Variants in GMDS observed in about 807,000 individuals in gnomAD.
The protein encoded by GMDS is GDP-mannose 4,6 dehydratase.
GMDS carries 20 observed loss-of-function variants against 49.9 expected under a neutral mutation model. That is an observed-to-expected ratio of 0.40 (90% confidence interval 0.28 to 0.58). The LOEUF (loss-of-function observed/expected upper bound fraction) is 0.58, where lower values mean the gene tolerates loss of function less well. Ranked by LOEUF, GMDS falls within the 20% of genes least tolerant of loss-of-function variation. The probability of loss-of-function intolerance (pLI) is 0.42; values close to 1 mark genes in which losing one functional copy is unlikely to be tolerated. For missense variants in GMDS, 362 were observed against 481.4 expected, an observed-to-expected ratio of 0.75 and a Z score of 2.32; for synonymous variants, 177 against 178.6, an observed-to-expected ratio of 0.99 and a Z score of 0.07.
chr6:2,167,002 T>C (rs1020896281), intron 1 of GMDS, among the ~76,000 whole-genome samples: 1 of 152,212 alleles, frequency 6.6e-6, no homozygotes, highest in Non-Finnish European at 1.5e-5. Context: ...TGCAATTGCA[T>C]AGTCAGAACT....
intron 1 of GMDS, among the ~76,000 whole-genome samples, chr6:2,236,448 G>A (rs1285957552): frequency 1.3e-5 from 2 of 152,124 alleles, no homozygotes; most frequent in Non-Finnish European, 2.9e-5. Context: ...CCTTGACTGG[G>A]TTTACTCCAA....
intron 9 of GMDS, chr6:1,625,269 C>T (rs1056886567): frequency 6.6e-6 from 1 of 152,234 alleles, no homozygotes; most frequent in Non-Finnish European, 1.5e-5. Flanking sequence ...TGGAGTTTCA[C>T]GAAGCAATTC....
intron 7 of GMDS, among the ~76,000 whole-genome samples, chr6:1,815,794 C>G (rs1163558976): frequency 6.6e-6 from 1 of 152,156 alleles, no homozygotes. Flanking sequence ...AGAGAGCGTG[C>G]TGTCGTTAGC....
chr6:1,764,696 A>C (rs999232857), intron 7 of GMDS, among the ~76,000 whole-genome samples: 1 of 152,210 alleles, frequency 6.6e-6, no homozygotes, highest in Admixed American at 6.5e-5. Flanking sequence ...TTATCATACC[A>C]AACATAAAAA....
intron 1 of GMDS, among the ~76,000 whole-genome samples, chr6:2,212,979 TCCCCTAAGGTTAC>T (rs1780143167): frequency 6.6e-6 from 1 of 152,190 alleles, no homozygotes; most frequent in African/African-American, 2.4e-5. Flanking sequence ...TTAACTTGTA[TCCCCTAAGGTTAC>T]TCCCTTTCTA....
At chr6:1,753,304 C>T (rs945251103) in intron 7 of GMDS, among the ~76,000 whole-genome samples, 1 of 152,146 alleles carries the variant, frequency 6.6e-6, no homozygotes, top group Admixed American at 6.5e-5. Flanking sequence ...AAGGGCATTA[C>T]ATAATGGTAA....
At chr6:2,109,845 T>G (rs1358371339) in intron 4 of GMDS, among the ~76,000 whole-genome samples, 1 of 152,192 alleles carries the variant, frequency 6.6e-6, no homozygotes, top group Non-Finnish European at 1.5e-5. Flanking sequence ...AACATGCAAT[T>G]GTATGGGCCA....
At chr6:1,755,984 T>C (rs1767924859) in intron 7 of GMDS, among the ~76,000 whole-genome samples, 1 of 152,214 alleles carries the variant, frequency 6.6e-6, no homozygotes, top group Non-Finnish European at 1.5e-5. Context: ...ACCTACAGAA[T>C]GGTTGAAAAA....
In GMDS at chr6:1,682,592, C is replaced by T. The variant is rs1581452488; in HGVS notation, c.987+43824G>A. On this transcript the variant is annotated intron_variant, in intron 9 of 10. Coordinates refer to ENST00000380815, the MANE Select transcript of GMDS (RefSeq NM_001500.4). Reference sequence around the variant, plus strand: ...TTTTTTTTTTTTTTTTTTTTTGAGACGGAGTCTCGCTCTGTCGCCCAGGCT... The same window carrying T: ...TTTTTTTTTTTTTTTTTTTTTGAGATGGAGTCTCGCTCTGTCGCCCAGGCT... 1.2e-3 allele frequency among the ~76,000 whole-genome samples: 2 copies of T among 1,692 alleles called. 1 individual carries two copies. The highest frequency in any genetic ancestry group is 0.012 in the East Asian group (2 of 164). The allele number at this position is 1,692 out of a possible 152,430, so 1.1% of individuals were successfully genotyped here. A position where few individuals can be genotyped will look rare whatever the true frequency, so the allele number is the denominator to read the frequency against.
Position 1,833,950 on chromosome 6 carries a change from T to C in GMDS, c.772-91364A>G, listed in dbSNP as rs1161379774. On this transcript the variant is annotated intron_variant, in intron 7 of 10. Coordinates refer to ENST00000380815, the MANE Select transcript of GMDS (RefSeq NM_001500.4). This position sits in a 1 kb window ranked among gnomAD's most constrained non-coding sequence, Gnocchi z 4.4. Reference sequence around the variant, plus strand: ...TCAAATCCATAGAACAACTCTAATATTCTTACTCACTCAAAAATGAAGACA... The same window carrying C: ...TCAAATCCATAGAACAACTCTAATACTCTTACTCACTCAAAAATGAAGACA... 6.6e-6 allele frequency among the ~76,000 whole-genome samples: 1 copy of C among 152,226 alleles called. No homozygotes were observed.
chr6:1,694,258 T>G (rs779476328), intron 9 of GMDS, among the ~76,000 whole-genome samples: 2 of 152,224 alleles, frequency 1.3e-5, no homozygotes, highest in Non-Finnish European at 2.9e-5. Flanking sequence ...AACCACAGCA[T>G]AGTGTTTTAG....
chr6:1,797,178 A>G (rs1015618920), intron 7 of GMDS, among the ~76,000 whole-genome samples: 39 of 152,192 alleles, frequency 2.6e-4, no homozygotes, highest in African/African-American at 8.9e-4. Flanking sequence ...CCTACTGTGA[A>G]CTGCACGTGC....
chr6:2,215,744 G>T (rs912109875), intron 1 of GMDS, among the ~76,000 whole-genome samples: 1 of 152,074 alleles, frequency 6.6e-6, no homozygotes, highest in South Asian at 2.1e-4. Flanking sequence ...CCAATTTAAT[G>T]TATCACCTTA....
intron 9 of GMDS, among the ~76,000 whole-genome samples, chr6:1,666,486 C>G (rs1764244346): frequency 1.3e-5 from 2 of 152,200 alleles, no homozygotes; most frequent in Admixed American, 1.3e-4. Context: ...TGTCTACCTA[C>G]TTGTTTATAT....
chr6:1,759,559 C>T (rs2113545996), intron 7 of GMDS, among the ~76,000 whole-genome samples: 1 of 152,260 alleles, frequency 6.6e-6, no homozygotes, highest in Non-Finnish European at 1.5e-5. Flanking sequence ...GGGACCTGAC[C>T]AGACAAGAAA....
At chr6:2,018,993 C>G (rs116397982) in intron 4 of GMDS, among the ~76,000 whole-genome samples, 2 of 152,096 alleles carry the variant, frequency 1.3e-5, no homozygotes, top group African/African-American at 4.8e-5. Context: ...ACCTCATCAA[C>G]GCTTGGTACT....
At chr6:1,904,328 T>C (rs144879307) in intron 7 of GMDS, among the ~76,000 whole-genome samples, 2 of 152,160 alleles carry the variant, frequency 1.3e-5, no homozygotes, top group Non-Finnish European at 2.9e-5. Flanking sequence ...GGGGCCTTAC[T>C]GTTAATCAGG....
At chr6:2,229,284 C>G (rs1780966432) in intron 1 of GMDS, among the ~76,000 whole-genome samples, 1 of 152,002 alleles carries the variant, frequency 6.6e-6, no homozygotes, top group African/African-American at 2.4e-5. Context: ...CAAAAGTTTG[C>G]CCATGGGCTG....
intron 4 of GMDS, among the ~76,000 whole-genome samples, chr6:2,105,512 T>A (rs1311037001): frequency 6.6e-6 from 1 of 152,112 alleles, no homozygotes; most frequent in Non-Finnish European, 1.5e-5. Context: ...GTGAGCCATA[T>A]GGGAATGTTA....
Sources: gnomAD v4.1 joint callset for allele counts (sites outside exome capture counted in the v4.1 genomes callset) on GRCh38, gnomAD v4.1.1 for gene constraint, Gnocchi (gnomAD v3.1) non-coding constraint, MANE v1.5 for transcripts, NCBI Gene and HGNC (gene_info 2026-07-23, HGNC 2026-07-21) for gene names.